Variants in MFSD1 observed in about 807,000 individuals in gnomAD.
MFSD1 encodes major facilitator superfamily domain containing 1, also known as lysosomal dipeptide transporter MFSD1.
A neutral mutation model predicts 67.1 loss-of-function variants in MFSD1; 59 were observed. The observed-to-expected ratio is 0.88, with a 90% CI of 0.71 to 1.09. The LOEUF (loss-of-function observed/expected upper bound fraction) is 1.09. Among genes scored for constraint, MFSD1 ranks in the 50% least tolerant of loss-of-function variants. The pLI is 0.00. For missense variants in MFSD1, 552 were observed against 566.1 expected (o/e 0.97, Z 0.25); for synonymous variants, 213 against 200.3 (o/e 1.06, Z -0.54).
chr3:158,819,777 G>A (rs781683431), intron 8 of MFSD1, 30 bp downstream of exon 8: 2 of 1,268,924 alleles, frequency 1.6e-6, no homozygotes, highest in Non-Finnish European at 2.3e-6. Flanking sequence ...TGGGACTTAG[G>A]GGAATTACGG....
At position 158,829,672 on chromosome 3, in the gene MFSD1, G is replaced by T. The variant is rs559704153; in HGVS notation, c.*690G>T. ...AAGTAAAAAGTGTCCTTCAAATTAT[G>T]ATAATTGCCTATGTACATGGATAAA... is the stretch of plus-strand genomic sequence containing the variant. On this transcript the variant is annotated 3_prime_UTR_variant, in exon 16 of 16. Transcript: ENST00000415822. 3.6e-4 allele frequency: 55 copies of T among 152,302 alleles called. No homozygotes were observed. The highest frequency in any genetic ancestry group is 7.2e-4 in the Non-Finnish European group (49 of 68,012). 9.4% of individuals were successfully genotyped at this position (152,302 alleles called of 1,614,324 possible). A position where few individuals can be genotyped will look rare whatever the true frequency, so the allele number is the denominator to read the frequency against.
In MFSD1 at chr3:158,807,397, T is replaced by C. The variant is rs375933374; in HGVS notation, c.374T>C (p.Val125Ala). ...TTGACATGAACTTCTACATTATAGG[T>C]TGTTTTTGCCCTGGGTGGAATATTT... Reference protein sequence around the residue: ...IFSCFVCIGQVVFALGGIFNA... With the variant: ...IFSCFVCIGQAVFALGGIFNA... The change falls in exon 5 of 16, where the codon GTT becomes GCT. Residue 125 changes from valine (V) to alanine (A), a missense_variant and splice_region_variant. By Grantham distance (64) the Val-to-Ala change is moderately conservative. Transcript: ENST00000415822. 2.5e-5 allele frequency: 41 copies of C among 1,611,552 alleles called. No homozygotes were observed. The highest frequency in any genetic ancestry group is 3.4e-5 in the Non-Finnish European group (40 of 1,178,212).
intron 14 of MFSD1, among the ~76,000 whole-genome samples, chr3:158,826,272 C>T: frequency 6.6e-6 from 1 of 151,900 alleles, no homozygotes; most frequent in East Asian, 1.9e-4. Flanking sequence ...TAAAATCTAG[C>T]CAGATGAGTT....
intron 6 of MFSD1, among the ~76,000 whole-genome samples, chr3:158,809,757 C>G (rs1305578847): frequency 6.6e-6 from 1 of 152,188 alleles, no homozygotes; most frequent in African/African-American, 2.4e-5. Context: ...CTGACTTTTG[C>G]TCTCTGTAGA....
rs1731218452 is a variant in MFSD1 at position 158,829,716 on chromosome 3, A to G, written c.*734A>G. The stretch of plus-strand genomic sequence containing the variant: ...GGATAAATTAAAACACTGCACACGG[A>G]GTACTTGATGTCTTCTTTTGATTTT... On this transcript the variant is annotated 3_prime_UTR_variant, in exon 16 of 16. Coordinates refer to ENST00000415822, the MANE Select transcript of MFSD1 (RefSeq NM_022736.4). 2 of 152,246 alleles carry G rather than the reference A, an allele frequency of 1.3e-5. No homozygotes were observed. The highest frequency in any genetic ancestry group is 4.8e-5 in the African/African-American group (2 of 41,470). 9.4% of individuals were successfully genotyped at this position (152,246 alleles called of 1,614,324 possible). A position where few individuals can be genotyped will look rare whatever the true frequency, so the allele number is the denominator to read the frequency against.
At chr3:158,803,879 T>C (rs547421151) in intron 1 of MFSD1, among the ~76,000 whole-genome samples, 3 of 152,324 alleles carry the variant, frequency 2.0e-5, no homozygotes, top group African/African-American at 7.2e-5. Flanking sequence ...TTGTTTCAAA[T>C]ATTGGTTTTG....
chr3:158,802,787 A>G (rs1438303804), intron 1 of MFSD1, among the ~76,000 whole-genome samples: 1 of 151,900 alleles, frequency 6.6e-6, no homozygotes, highest in Non-Finnish European at 1.5e-5. Context: ...TGCAGCCTCC[A>G]CCTCCTGGGT....
At chr3:158,821,955 A>G in intron 10 of MFSD1, 29 bp from the exon 11 acceptor site, 1 of 1,594,692 alleles carries the variant, frequency 6.3e-7, no homozygotes, top group South Asian at 1.1e-5. Flanking sequence ...GTTGCATTTC[A>G]TGAAATGTCT....
intron 5 of MFSD1, among the ~76,000 whole-genome samples, chr3:158,808,064 G>A (rs76114043): frequency 0.018 from 2,682 of 152,312 alleles, 67 homozygotes; most frequent in African/African-American, 0.061. Flanking sequence ...GGTGTCAGGA[G>A]CATGTAGACA....
intron 15 of MFSD1, among the ~76,000 whole-genome samples, chr3:158,827,788 A>T (rs1438826310): frequency 6.6e-6 from 1 of 152,110 alleles, no homozygotes; most frequent in African/African-American, 2.4e-5. Context: ...TGGAACTATT[A>T]TAACAACATT....
chr3:158,814,910 CG>C (rs1271966450), intron 7 of MFSD1, among the ~76,000 whole-genome samples: 5 of 151,910 alleles, frequency 3.3e-5, no homozygotes, highest in Non-Finnish European at 7.4e-5. Flanking sequence ...TGGAGAAACC[CG>C]TCTCTACTAA....
At chr3:158,804,829 C>T (rs986944587) in intron 2 of MFSD1, among the ~76,000 whole-genome samples, 1 of 152,122 alleles carries the variant, frequency 6.6e-6, no homozygotes, top group Non-Finnish European at 1.5e-5. Context: ...TAAGAACATA[C>T]TTGATATTTA....
At chr3:158,807,181 T>C in intron 4 of MFSD1, 99 bp downstream of exon 4, 1 of 1,187,000 alleles carries the variant, frequency 8.4e-7, no homozygotes, top group Non-Finnish European at 1.2e-6. Flanking sequence ...AATGCCTAGC[T>C]TAATTAAGCA....
intron 3 of MFSD1, among the ~76,000 whole-genome samples, chr3:158,806,179 C>T (rs906480311): frequency 6.6e-6 from 1 of 152,222 alleles, no homozygotes; most frequent in Non-Finnish European, 1.5e-5. Context: ...TAAGAGTTTA[C>T]ACCTGGGGAC....
intron 1 of MFSD1, chr3:158,804,085 T>C (rs1729590610): frequency 7.6e-6 from 3 of 396,392 alleles, no homozygotes; most frequent in Admixed American, 4.1e-5. Flanking sequence ...TAATTGTTGG[T>C]TGTTGACTTT....
At chr3:158,814,543 AC>A (rs1315532000) in intron 7 of MFSD1, among the ~76,000 whole-genome samples, 1 of 151,520 alleles carries the variant, frequency 6.6e-6, no homozygotes, top group Non-Finnish European at 1.5e-5. Context: ...CTGGTCTCGA[AC>A]TCCTGACCTC....
intron 11 of MFSD1, chr3:158,822,380 A>G (rs961161643): frequency 3.8e-6 from 1 of 261,734 alleles, no homozygotes; most frequent in Non-Finnish European, 7.1e-6. Flanking sequence ...GTGCTGAAAG[A>G]GAATTTGAAA....
intron 5 of MFSD1, among the ~76,000 whole-genome samples, chr3:158,808,703 C>T (rs1019909756): frequency 5.3e-5 from 8 of 151,942 alleles, no homozygotes; most frequent in Admixed American, 2.0e-4. Flanking sequence ...GGCAGGAATT[C>T]GGACAAAGTG....
At position 158,802,611 on chromosome 3, in the gene MFSD1, T is replaced by C. The variant is rs959467849; in HGVS notation, c.163+296T>C. ...CGACTCGCCCTAGAGGCGATAGATA[T>C]GAAGGTAACTCCAGATTTTCAAGGT... On this transcript the variant is annotated intron_variant, in intron 1 of 15. Transcript: ENST00000415822. 5.2e-5 allele frequency: 34 copies of C among 658,112 alleles called. No homozygotes were observed. The Admixed American group carries it at 6.5e-4, about 13-fold the overall frequency. The allele number at this position is 658,112 out of a possible 1,614,324, so 40.8% of individuals were successfully genotyped here.
Sources: gnomAD v4.1 joint callset for allele counts (sites outside exome capture counted in the v4.1 genomes callset) on GRCh38, gnomAD v4.1.1 for gene constraint, MANE v1.5 for transcripts, NCBI Gene and HGNC (gene_info 2026-07-23, HGNC 2026-07-21) for gene names.